The following CDH12 variants were observed in gnomAD, a reference collection of about 807,000 sequenced individuals.
CDH12 encodes cadherin-12.
In CDH12, 41 loss-of-function variants were observed where a neutral mutation model predicts 74.1. That is an observed-to-expected ratio of 0.55 (90% CI 0.43 to 0.72). CDH12 has a LOEUF of 0.72. Among genes scored for constraint, CDH12 ranks in the 30% least tolerant of loss-of-function variants. The pLI is 0.00. For missense variants in CDH12, 945 were observed against 977.2 expected (o/e 0.97, Z 0.44); for synonymous variants, 399 against 355.0 (o/e 1.12, Z -1.39).
chr5:22,110,524 G>A (rs956725217), intron 4 of CDH12, among the ~76,000 whole-genome samples: 1 of 151,806 alleles, frequency 6.6e-6, no homozygotes, highest in African/African-American at 2.4e-5. Flanking sequence ...GGAAGACAGT[G>A]CAATCATAGG....
intron 6 of CDH12, among the ~76,000 whole-genome samples, chr5:21,939,984 G>A (rs1755258615): frequency 6.6e-6 from 1 of 152,120 alleles, no homozygotes; most frequent in Admixed American, 6.6e-5. Flanking sequence ...ACTTTGGGAG[G>A]CCACAGTGAG....
intron 4 of CDH12, among the ~76,000 whole-genome samples, chr5:22,197,223 T>A (rs568549459): frequency 5.7e-4 from 86 of 151,834 alleles, no homozygotes; most frequent in African/African-American, 2.0e-3. Flanking sequence ...AGGGGGAGGA[T>A]CATGAGGTCA....
At chr5:22,487,068 T>G (rs757285756) in intron 2 of CDH12, among the ~76,000 whole-genome samples, 84 of 150,974 alleles carry the variant, frequency 5.6e-4, no homozygotes, top group Non-Finnish European at 9.3e-4. Context: ...TGTGGCATGA[T>G]CTCAGCTTGC....
intron 11 of CDH12, among the ~76,000 whole-genome samples, chr5:21,769,740 T>C (rs1745219390): frequency 6.6e-6 from 1 of 152,172 alleles, no homozygotes; most frequent in African/African-American, 2.4e-5. Context: ...ATAGTTCTCA[T>C]GCTATTCTTC....
At chr5:22,647,431 A>C (rs903411004) in intron 1 of CDH12, among the ~76,000 whole-genome samples, 2 of 151,852 alleles carry the variant, frequency 1.3e-5, no homozygotes, top group Non-Finnish European at 2.9e-5. Flanking sequence ...AATACAGAAC[A>C]ACATAAATTT....
intron 7 of CDH12, among the ~76,000 whole-genome samples, chr5:21,845,147 G>A (rs185004202): frequency 6.6e-6 from 1 of 152,240 alleles, no homozygotes. Flanking sequence ...CAGAAGGAAT[G>A]TCAGGATTGA....
intron 6 of CDH12, among the ~76,000 whole-genome samples, chr5:21,856,560 A>C (rs948460018): frequency 6.6e-6 from 1 of 151,834 alleles, no homozygotes; most frequent in Non-Finnish European, 1.5e-5. Context: ...ACCGTATTGC[A>C]ATTTATAGTC....
At chr5:22,332,249 T>C (rs963993947) in intron 3 of CDH12, among the ~76,000 whole-genome samples, 8 of 152,000 alleles carry the variant, frequency 5.3e-5, no homozygotes, top group African/African-American at 1.4e-4. Context: ...GAAGAAAATA[T>C]CCTAAAGTCA....
intron 1 of CDH12, among the ~76,000 whole-genome samples, chr5:22,833,534 T>G (rs556688450): frequency 1.3e-5 from 2 of 152,176 alleles, no homozygotes; most frequent in Non-Finnish European, 2.9e-5. Flanking sequence ...AGCAAAATAT[T>G]TTCACTTAAC....
chr5:22,785,503 T>C (rs987104321), intron 1 of CDH12, among the ~76,000 whole-genome samples: 3 of 152,126 alleles, frequency 2.0e-5, no homozygotes, highest in African/African-American at 7.2e-5. Flanking sequence ...TGTTATGTTT[T>C]GTTGTTGGTG....
chr5:22,423,171 T>C (rs1310683063), intron 2 of CDH12, among the ~76,000 whole-genome samples: 2 of 150,602 alleles, frequency 1.3e-5, no homozygotes, highest in African/African-American at 2.4e-5. Context: ...TTACACACCA[T>C]TGTTTTTCAA....
chr5:22,222,738 G>A (rs1752063584), intron 3 of CDH12, among the ~76,000 whole-genome samples: 1 of 151,636 alleles, frequency 6.6e-6, no homozygotes, highest in African/African-American at 2.4e-5. Context: ...TTGGTTGTAG[G>A]ATGATGGATT....
rs1371250976 is a variant in CDH12 at position 22,820,014 on chromosome 5, T to TATATACATATATATAC, written c.-523+33028_-523+33043dup. On this transcript the variant is annotated intron_variant, in intron 1 of 14. Transcript: ENST00000382254. ...ATATACATATATATACATATACATA[T>TATATACATATATATAC]ATATACATATATATACATATACATA... Among the ~76,000 whole-genome samples, 13 of 141,236 alleles carry TATATACATATATATAC rather than the reference T, an allele frequency of 9.2e-5. No individual in the cohort carries two copies. The East Asian group carries it at 1.4e-3, about 15-fold the overall frequency. 92.7% of individuals were successfully genotyped at this position (141,236 alleles called of 152,430 possible). A position where few individuals can be genotyped will look rare whatever the true frequency, so the allele number is the denominator to read the frequency against.
At chr5:21,759,744 G>T (rs1461180557) in intron 13 of CDH12, among the ~76,000 whole-genome samples, 1 of 151,844 alleles carries the variant, frequency 6.6e-6, no homozygotes, top group African/African-American at 2.4e-5. Flanking sequence ...AGGTAAACAC[G>T]TGTCATGGGG....
At chr5:22,725,706 T>G (rs1744131743) in intron 1 of CDH12, among the ~76,000 whole-genome samples, 1 of 151,602 alleles carries the variant, frequency 6.6e-6, no homozygotes. Flanking sequence ...TGGATTAGGT[T>G]TCAACATATG....
chr5:22,246,320 G>A (rs1310058893), intron 3 of CDH12, among the ~76,000 whole-genome samples: 1 of 152,038 alleles, frequency 6.6e-6, no homozygotes, highest in Non-Finnish European at 1.5e-5. Flanking sequence ...TGTATTCAAT[G>A]TTTCACGTAA....
chr5:22,615,011 C>G (rs1003136334), intron 1 of CDH12, among the ~76,000 whole-genome samples: 8 of 151,974 alleles, frequency 5.3e-5, no homozygotes, highest in African/African-American at 1.9e-4. Context: ...AAGATTTCAT[C>G]AAGCTACTCA....
rs185749284 is a variant in CDH12 at position 21,978,223 on chromosome 5, C to A, written c.232-2838G>T. On this transcript the variant is annotated intron_variant, in intron 5 of 14. Transcript: ENST00000382254. ...GTGGCGTGATCTCGGCTCACTGCAA[C>A]CTCCACCTCTCGGGTTCAAGCAATT... 4.1e-3 allele frequency among the ~76,000 whole-genome samples: 623 copies of A among 152,186 alleles called. 10 individuals carry two copies. The highest frequency in any genetic ancestry group is 0.015 in the African/African-American group (610 of 41,530).
intron 1 of CDH12, among the ~76,000 whole-genome samples, 183 bp downstream of exon 1, chr5:22,852,875 C>G (rs1075046): frequency 0.64 from 96,873 of 152,018 alleles, 31,500 homozygotes; most frequent in Admixed American, 0.7. Flanking sequence ...TAGAACTTAC[C>G]GAAGTTTCCC....
Sources: gnomAD v4.1 joint callset for allele counts (sites outside exome capture counted in the v4.1 genomes callset) on GRCh38, gnomAD v4.1.1 for gene constraint, MANE v1.5 for transcripts, NCBI Gene and HGNC (gene_info 2026-07-23, HGNC 2026-07-21) for gene names.